Variants in EDA2R observed in about 807,000 individuals in gnomAD.
EDA2R encodes the protein tumor necrosis factor receptor superfamily member 27.
EDA2R carries 26 observed loss-of-function variants against 20.1 expected under a neutral mutation model. The observed-to-expected ratio is 1.30, with a 90% CI of 0.95 to 1.80. The LOEUF is 1.80. Ranked by LOEUF, EDA2R falls within the 40% of genes most tolerant of loss-of-function variation. EDA2R has a pLI of 0.00. For missense variants in EDA2R, 277 were observed against 228.7 expected (o/e 1.21, Z -1.36); for synonymous variants, 114 against 88.7 (o/e 1.29, Z -1.60).
At chrX:66,607,915 G>T (rs1015886838) in intron 2 of EDA2R, among the ~76,000 whole-genome samples, 30 of 111,955 alleles carry the variant, frequency 2.7e-4, no homozygotes, top group Admixed American at 2.5e-3. Context: ...GCACTTAGTA[G>T]ACAAAGACTA....
At chrX:66,605,564 G>C (rs1022115086) in intron 2 of EDA2R, among the ~76,000 whole-genome samples, 1 of 111,907 alleles carries the variant, frequency 8.9e-6, no homozygotes, top group African/African-American at 3.2e-5. Context: ...CCTACCAGGG[G>C]GTTCCTGAGG....
At position 66,605,224 on chromosome X, in the gene EDA2R, A is replaced by G; in HGVS notation, c.90T>C (p.Asp30=). The stretch of plus-strand genomic sequence containing the variant: ...CATCTCCACCCTCTCCATAACCACA[A>G]TCCTGTAGACAGATGGGGGTTGTTA... The part of the protein sequence containing the change: ...RCGPGQELSK[D]CGYGEGGDAY... Residue 30 remains aspartate (D), a splice_region_variant and synonymous_variant, in exon 3 of 7, where the codon GAT becomes GAC. Coordinates refer to ENST00000374719, the MANE Select transcript of EDA2R (RefSeq NM_021783.5). 1 of 1,202,887 alleles carries G rather than the reference A, an allele frequency of 8.3e-7. No homozygotes were observed. The highest frequency in any genetic ancestry group is 1.7e-5 in the African/African-American group (1 of 57,614).
chrX:66,620,766 G>GTATT (rs1258766535), intron 1 of EDA2R, among the ~76,000 whole-genome samples: 1 of 109,732 alleles, frequency 9.1e-6, no homozygotes, highest in Non-Finnish European at 1.9e-5. Flanking sequence ...TATCTGATAA[G>GTATT]AGACTTGTAT....
chrX:66,596,422 G>T lies in EDA2R; in HGVS notation c.*1682C>A, dbSNP rs964822716. ...CCAATTGCTGAACCTCAAAAAGTTG[G>T]AATTAAGGTGATTCTGGGTATGGCT... On this transcript the variant is annotated 3_prime_UTR_variant, in exon 7 of 7. Coordinates refer to ENST00000374719, the MANE Select transcript of EDA2R (RefSeq NM_021783.5). 3.6e-5 allele frequency: 4 copies of T among 111,757 alleles called. No homozygotes were observed. Among genetic ancestry groups the T allele is most frequent in the African/African-American group, 1.3e-4 (4 of 30,738 alleles). The allele number at this position is 111,757 out of a possible 1,213,427, so 9.2% of individuals were successfully genotyped here.
At chrX:66,620,010 G>A (rs760142864) in intron 1 of EDA2R, among the ~76,000 whole-genome samples, 59 of 110,870 alleles carry the variant, frequency 5.3e-4, no homozygotes, top group African/African-American at 1.7e-3. Flanking sequence ...AGTCAATATC[G>A]ACTCCTCCCC....
At chrX:66,606,718 A>T (rs963116511) in intron 2 of EDA2R, among the ~76,000 whole-genome samples, 2 of 112,496 alleles carry the variant, frequency 1.8e-5, no homozygotes, top group African/African-American at 6.5e-5. Context: ...GAGCAGTGGC[A>T]GTCCTAAAGT....
intron 5 of EDA2R, 133 bp from the exon 6 acceptor site, chrX:66,599,993 G>A (rs1387866420): frequency 7.1e-6 from 8 of 1,126,273 alleles, no homozygotes; most frequent in Non-Finnish European, 8.3e-6. Flanking sequence ...GGGGTCTAGA[G>A]CACCTAGCAC....
At chrX:66,623,094 A>C (rs754019643) in intron 1 of EDA2R, among the ~76,000 whole-genome samples, 273 of 111,727 alleles carry the variant, frequency 2.4e-3, no homozygotes, top group Non-Finnish European at 3.1e-3. Flanking sequence ...CCCTCCCCTA[A>C]GATTCTGTTG....
At chrX:66,635,397 G>A (rs776900799) in intron 1 of EDA2R, among the ~76,000 whole-genome samples, 38 of 112,191 alleles carry the variant, frequency 3.4e-4, no homozygotes, top group African/African-American at 1.1e-3. Context: ...GAGAATACAC[G>A]GGTGGAGCTA....
At chrX:66,601,679 C>G (rs892921286) in intron 5 of EDA2R, among the ~76,000 whole-genome samples, 2 of 111,117 alleles carry the variant, frequency 1.8e-5, no homozygotes, top group Non-Finnish European at 1.9e-5. Flanking sequence ...TTATCTTCCC[C>G]CTTATAAATC....
intron 1 of EDA2R, among the ~76,000 whole-genome samples, chrX:66,635,222 T>C (rs929919116): frequency 1.8e-5 from 2 of 112,122 alleles, no homozygotes; most frequent in African/African-American, 6.5e-5. Flanking sequence ...TCTCCAAATT[T>C]AGGAGATTGC....
chrX:66,602,472 T>C lies in EDA2R; in HGVS notation c.517+161A>G, dbSNP rs367783256. Among the ~76,000 whole-genome samples, 30 of 111,330 alleles carry C rather than the reference T, an allele frequency of 2.7e-4. 1 individual carries two copies. In the East Asian group the frequency reaches 3.7e-3, roughly 14 times the overall value. On this transcript the variant is annotated intron_variant, in intron 5 of 6. Coordinates refer to ENST00000374719, the MANE Select transcript of EDA2R (RefSeq NM_021783.5). ...AATCTCTTAAGTCCCATGCTTTCCATTGCAGCCCCAGATAGTTCCCCAGGC... is the reference window on the plus strand; with the variant it reads ...AATCTCTTAAGTCCCATGCTTTCCACTGCAGCCCCAGATAGTTCCCCAGGC...
intron 1 of EDA2R, among the ~76,000 whole-genome samples, chrX:66,623,992 C>A (rs988960325): frequency 8.9e-6 from 1 of 112,078 alleles, no homozygotes; most frequent in African/African-American, 3.2e-5. Context: ...TGCTATGAGG[C>A]CATGGTACGT....
intron 1 of EDA2R, among the ~76,000 whole-genome samples, chrX:66,632,028 G>A (rs1933865879): frequency 9.0e-6 from 1 of 111,072 alleles, no homozygotes; most frequent in African/African-American, 3.3e-5. Context: ...ATCATATGGA[G>A]CACTGAAAAA....
intron 2 of EDA2R, among the ~76,000 whole-genome samples, chrX:66,613,827 G>A (rs774822424): frequency 6.3e-5 from 7 of 111,817 alleles, no homozygotes; most frequent in Non-Finnish European, 1.1e-4. Flanking sequence ...TATTTACAGT[G>A]ATGTTTATAA....
intron 1 of EDA2R, among the ~76,000 whole-genome samples, chrX:66,636,874 G>A (rs1447927995): frequency 9.1e-6 from 1 of 109,647 alleles, no homozygotes; most frequent in African/African-American, 3.3e-5. Flanking sequence ...ATGGTGGGTG[G>A]GAGGAACAAT....
At chrX:66,610,410 T>C (rs1239689201) in intron 2 of EDA2R, among the ~76,000 whole-genome samples, 1 of 110,933 alleles carries the variant, frequency 9.0e-6, no homozygotes, top group African/African-American at 3.3e-5. Context: ...ACATTAGGTA[T>C]TGTTCTTCTG....
chrX:66,613,297 T>C (rs762447178), intron 2 of EDA2R, among the ~76,000 whole-genome samples: 29 of 111,849 alleles, frequency 2.6e-4, no homozygotes, highest in African/African-American at 9.4e-4. Flanking sequence ...TACTCTGTTA[T>C]CTACTATATG....
intron 2 of EDA2R, among the ~76,000 whole-genome samples, chrX:66,615,314 C>T (rs1602252071): frequency 8.9e-6 from 1 of 111,899 alleles, no homozygotes; most frequent in East Asian, 2.8e-4. Flanking sequence ...CTGCTTGCTT[C>T]TGGCCTCTGT....
Sources: allele counts gnomAD v4.1 joint callset (sites outside exome capture counted in the v4.1 genomes callset), GRCh38; gene constraint gnomAD v4.1.1; transcripts MANE v1.5; gene names NCBI Gene and HGNC (gene_info 2026-07-23, HGNC 2026-07-21).